Variants in RHOBTB3 observed in about 807,000 individuals in gnomAD.
RHOBTB3 encodes rho-related BTB domain-containing protein 3.
Under a neutral mutation model 67.2 loss-of-function variants are expected in RHOBTB3, and 47 were observed. The observed-to-expected ratio is 0.70, with a 90% confidence interval of 0.55 to 0.89. The LOEUF is 0.89. Among genes scored for constraint, RHOBTB3 ranks in the 40% least tolerant of loss-of-function variants. The pLI, the probability that RHOBTB3 is intolerant of heterozygous loss-of-function variation, is 0.00. For synonymous variants in RHOBTB3, 273 were observed against 274.2 expected (o/e 1.00, Z 0.04); for missense variants, 631 against 750.0 (o/e 0.84, Z 1.85).
intron 7 of RHOBTB3, among the ~76,000 whole-genome samples, chr5:95,766,972 A>G (rs1301083358): frequency 6.6e-6 from 1 of 152,020 alleles, no homozygotes; most frequent in African/African-American, 2.4e-5. Context: ...TAATCCTAGC[A>G]TTTTGGGAGG....
intron 8 of RHOBTB3, chr5:95,770,543 G>A: frequency 2.5e-6 from 1 of 394,764 alleles, no homozygotes; most frequent in Non-Finnish European, 5.1e-6. Flanking sequence ...TGTGAATATG[G>A]TGGAAGAGGA....
At chr5:95,777,373 A>C (rs1745918393) in intron 8 of RHOBTB3, among the ~76,000 whole-genome samples, 1 of 152,242 alleles carries the variant, frequency 6.6e-6, no homozygotes, top group Non-Finnish European at 1.5e-5. Context: ...GATTCTTGAT[A>C]ATCTATGTAA....
intron 8 of RHOBTB3, among the ~76,000 whole-genome samples, chr5:95,772,102 T>G (rs989119326): frequency 1.3e-5 from 2 of 152,308 alleles, no homozygotes; most frequent in African/African-American, 4.8e-5. Flanking sequence ...TTGATTGGAC[T>G]CACACTGAGC....
At chr5:95,769,365 C>A in intron 8 of RHOBTB3, 1 of 428,036 alleles carries the variant, frequency 2.3e-6, no homozygotes, top group Non-Finnish European at 4.6e-6. Flanking sequence ...ACTTGCACTC[C>A]CTATGGTCAA....
In RHOBTB3 at chr5:95,736,992, T is replaced by C; in HGVS notation, c.332T>C (p.Val111Ala). Reference protein sequence around the residue: ...NVNDKFSFHEVKDNYIPVIKR... With the variant: ...NVNDKFSFHEAKDNYIPVIKR... ...AATGACAAGTTTTCATTCCATGAAG[T>C]AAAGGATAATTATATTCCAGTGATA... The change falls in exon 3 of 12, where the codon GTA (valine) becomes GCA (alanine). Residue 111 changes from valine (V) to alanine (A), a missense_variant. Transcript: ENST00000379982. 1 of 1,606,556 alleles carries C rather than the reference T, an allele frequency of 6.2e-7. No individual in the cohort carries two copies.
At position 95,732,192 on chromosome 5, in the gene RHOBTB3, A is replaced by T. The variant is rs1040481399; in HGVS notation, c.228+108A>T. 7.2e-6 allele frequency: 7 copies of T among 968,930 alleles called. No homozygotes were observed. The Admixed American group carries it at 1.4e-4, about 20-fold the overall frequency. The allele number at this position is 968,930 out of a possible 1,614,324, so 60.0% of individuals were successfully genotyped here. A position where few individuals can be genotyped will look rare whatever the true frequency, so the allele number is the denominator to read the frequency against. ...CGTGAGTGTGGAGTGTCCGCGTTAC[A>T]TGGGTCAAATTTTTAAACATTTTTG... On this transcript the variant is annotated intron_variant, in intron 2 of 11. Transcript: ENST00000379982.
intron 10 of RHOBTB3, among the ~76,000 whole-genome samples, chr5:95,786,511 A>G (rs1469438400): frequency 6.6e-6 from 1 of 152,206 alleles, no homozygotes; most frequent in Admixed American, 6.5e-5. Context: ...CTTAAAATAC[A>G]AGAGTTGAGG....
intron 3 of RHOBTB3, among the ~76,000 whole-genome samples, chr5:95,744,313 T>C (rs1279310320): frequency 1.3e-5 from 2 of 152,242 alleles, no homozygotes; most frequent in Admixed American, 6.5e-5. Context: ...TTACACTTTC[T>C]GTGAAGCCTT....
chr5:95,771,589 A>C, intron 8 of RHOBTB3, among the ~76,000 whole-genome samples: 1 of 152,250 alleles, frequency 6.6e-6, no homozygotes, highest in Non-Finnish European at 1.5e-5. Context: ...AGAGAGACCT[A>C]TAACTGGCTC....
At chr5:95,778,160 A>AG (rs777396426) in intron 8 of RHOBTB3, among the ~76,000 whole-genome samples, 4 of 151,818 alleles carry the variant, frequency 2.6e-5, no homozygotes, top group Non-Finnish European at 4.4e-5. Flanking sequence ...TGTCCATAGG[A>AG]GATTGGTTCC....
upstream of RHOBTB3, among the ~76,000 whole-genome samples, chr5:95,730,471 A>G (rs1755188981): frequency 6.6e-6 from 1 of 152,186 alleles, no homozygotes; most frequent in East Asian, 1.9e-4. Flanking sequence ...CACGTTAGGG[A>G]TATTCATAGC....
At chr5:95,727,689 CA>C (rs1396568391), upstream of RHOBTB3, among the ~76,000 whole-genome samples, 1 of 151,956 alleles carries the variant, frequency 6.6e-6, no homozygotes, top group African/African-American at 2.4e-5. Context: ...ATACATAAAC[CA>C]AATAAAAATT....
At chr5:95,767,885 T>C in intron 7 of RHOBTB3, 161 bp from the exon 8 acceptor site, 1 of 755,460 alleles carries the variant, frequency 1.3e-6, no homozygotes, top group South Asian at 1.5e-5. Flanking sequence ...CATACAGTTC[T>C]TAAAGGTAAG....
chr5:95,730,959 C>T, upstream of RHOBTB3: 1 of 505,644 alleles, frequency 2.0e-6, no homozygotes, highest in Non-Finnish European at 3.7e-6. Flanking sequence ...GGCACTCGGG[C>T]TGGAATCCCT....
rs992209432 is a variant in RHOBTB3, at chr5:95,756,137, A to G, written c.1048+376A>G. On this transcript the variant is annotated intron_variant, in intron 6 of 11. Coordinates refer to ENST00000379982, the MANE Select transcript of RHOBTB3 (RefSeq NM_014899.4). Reference sequence around the variant, plus strand: ...TTGCATCTTATAAAACTGAAACTCTATACCCATTAAACGATGATTCCCCAT... The same window carrying G: ...TTGCATCTTATAAAACTGAAACTCTGTACCCATTAAACGATGATTCCCCAT... 5.9e-5 allele frequency: 10 copies of G among 170,856 alleles called. No individual in the cohort carries two copies. In the East Asian group the frequency reaches 1.4e-3, roughly 23 times the overall value. 10.6% of individuals were successfully genotyped at this position (170,856 alleles called of 1,614,324 possible). A position where few individuals can be genotyped will look rare whatever the true frequency, so the allele number is the denominator to read the frequency against.
chr5:95,731,526 G>A lies in RHOBTB3; in HGVS notation c.-157G>A. The A allele has an allele frequency of 7.7e-7, 1 of 1,302,274 alleles. No homozygotes were observed. The highest frequency in any genetic ancestry group is 9.7e-7 in the Non-Finnish European group (1 of 1,030,040). 80.7% of individuals were successfully genotyped at this position (1,302,274 alleles called of 1,614,324 possible). A position where few individuals can be genotyped will look rare whatever the true frequency, so the allele number is the denominator to read the frequency against. On this transcript the variant is annotated 5_prime_UTR_variant, in exon 1 of 12. Transcript: ENST00000379982. ...CTCGCTCGCTGGCTGGCGCGGCCCCGGCCCCGCTCTGCGTCGGCCCCGCCG... is the reference window on the plus strand; with the variant it reads ...CTCGCTCGCTGGCTGGCGCGGCCCCAGCCCCGCTCTGCGTCGGCCCCGCCG...
At chr5:95,783,709 A>T in intron 9 of RHOBTB3, 88 bp from the exon 10 acceptor site, 2 of 1,141,934 alleles carry the variant, frequency 1.8e-6, no homozygotes, top group South Asian at 3.5e-5. Context: ...TGTTTTTTTA[A>T]TTGTTGTTTT....
chr5:95,778,196 C>T (rs1745945930), intron 8 of RHOBTB3, among the ~76,000 whole-genome samples: 1 of 151,914 alleles, frequency 6.6e-6, no homozygotes, highest in African/African-American at 2.4e-5. Flanking sequence ...ATACCCAGAT[C>T]CGCTACGCTC....
Position 95,744,095 on chromosome 5 carries a change from C to A in RHOBTB3, c.416-4238C>A, listed in dbSNP as rs529720880. On this transcript the variant is annotated intron_variant, in intron 3 of 11. Coordinates refer to ENST00000379982, the MANE Select transcript of RHOBTB3 (RefSeq NM_014899.4). ...TCCCTCTCTTCTTTCTCTCCTCCCC[C>A]CTTCCCCCTTTATTTCATCATCTCT... Among the ~76,000 whole-genome samples, 5 of 152,006 alleles carry A rather than the reference C, an allele frequency of 3.3e-5. No individual in the cohort carries two copies. In the East Asian group the frequency reaches 9.7e-4, roughly 29 times the overall value.
Sources: allele counts gnomAD v4.1 joint callset (sites outside exome capture counted in the v4.1 genomes callset), GRCh38; gene constraint gnomAD v4.1.1; transcripts MANE v1.5; gene names NCBI Gene and HGNC (gene_info 2026-07-23, HGNC 2026-07-21).